Variants in ARHGAP5 observed in about 807,000 individuals in gnomAD.
ARHGAP5 encodes the protein rho GTPase-activating protein 5.
In ARHGAP5, 23 loss-of-function variants were observed where a neutral mutation model predicts 116.6. The observed-to-expected ratio is 0.20, with a 90% CI of 0.14 to 0.28. The LOEUF (loss-of-function observed/expected upper bound fraction) is 0.28, where lower values mean the gene tolerates loss of function less well. Among genes scored for constraint, ARHGAP5 ranks in the 10% least tolerant of loss-of-function variants. The pLI is 1.00. For missense variants in ARHGAP5, 1,405 were observed against 1,774.8 expected (o/e 0.79, Z 3.74); for synonymous variants, 574 against 602.0 (o/e 0.95, Z 0.68).
chr14:32,115,778 T>A (rs1879536113), intron 2 of ARHGAP5, among the ~76,000 whole-genome samples: 1 of 145,174 alleles, frequency 6.9e-6, no homozygotes, highest in Non-Finnish European at 1.5e-5. Flanking sequence ...GAGACTAGCC[T>A]GGCCAACATG....
At chr14:32,105,117 A>G (rs1244977437) in intron 2 of ARHGAP5, among the ~76,000 whole-genome samples, 2 of 152,128 alleles carry the variant, frequency 1.3e-5, no homozygotes, top group Admixed American at 1.3e-4. Flanking sequence ...GTAGGAGACT[A>G]TGTCTTGAAA....
chr14:32,153,051 GTTTTTTTTT>G lies in ARHGAP5; in HGVS notation c.4181+530_4181+538del, dbSNP rs773823740. ...TTTAATGAACTGTATGGTTTTTTTT[GTTTTTTTTT>G]TTTTTTAAACTAATAGTATCAACAC... On this transcript the variant is annotated intron_variant, in intron 6 of 6. Coordinates refer to ENST00000345122, the MANE Select transcript of ARHGAP5 (RefSeq NM_001030055.2). 3.3e-4 allele frequency among the ~76,000 whole-genome samples: 26 copies of G among 79,918 alleles called. No homozygotes were observed. The East Asian group carries it at 0.016, about 51-fold the overall frequency. 52.4% of individuals were successfully genotyped at this position (79,918 alleles called of 152,430 possible). A position where few individuals can be genotyped will look rare whatever the true frequency, so the allele number is the denominator to read the frequency against.
At chr14:32,078,419 A>C (rs1215556426) in intron 1 of ARHGAP5, 1 of 152,216 alleles carries the variant, frequency 6.6e-6, no homozygotes, top group African/African-American at 2.4e-5. Context: ...TGGGAATTCA[A>C]ATATTTTGAG....
At chr14:32,133,311 A>ATTTT (rs1228893174) in intron 3 of ARHGAP5, among the ~76,000 whole-genome samples, 12 of 152,112 alleles carry the variant, frequency 7.9e-5, no homozygotes, top group African/African-American at 2.7e-4. Flanking sequence ...CATCCCTTGT[A>ATTTT]AGTTGGATTC....
chr14:32,084,662 G>T (rs1244142933), intron 1 of ARHGAP5, among the ~76,000 whole-genome samples: 2 of 152,110 alleles, frequency 1.3e-5, no homozygotes, highest in South Asian at 4.1e-4. Flanking sequence ...ATTTTTAATA[G>T]GTTGGTTCTC....
intron 3 of ARHGAP5, among the ~76,000 whole-genome samples, chr14:32,129,565 T>C (rs1880367446): frequency 6.6e-6 from 1 of 152,250 alleles, no homozygotes; most frequent in African/African-American, 2.4e-5. Context: ...AATGAATCTT[T>C]GTGTTATTGC....
chr14:32,135,249 T>G (rs1880727231), intron 3 of ARHGAP5, among the ~76,000 whole-genome samples: 1 of 152,214 alleles, frequency 6.6e-6, no homozygotes, highest in Non-Finnish European at 1.5e-5. Flanking sequence ...TAGTTGCTAG[T>G]CAGCAAACAC....
intron 3 of ARHGAP5, among the ~76,000 whole-genome samples, chr14:32,117,998 T>G (rs1189580495): frequency 6.6e-6 from 1 of 152,148 alleles, no homozygotes; most frequent in Non-Finnish European, 1.5e-5. Context: ...TTTTAATGGC[T>G]TGAAAACATG....
chr14:32,143,438 GT>G (rs1207191561), intron 3 of ARHGAP5, among the ~76,000 whole-genome samples: 2 of 152,046 alleles, frequency 1.3e-5, no homozygotes, highest in African/African-American at 4.8e-5. Flanking sequence ...TAGAGACAGG[GT>G]TTCACCCTCT....
At chr14:32,082,247 A>G (rs1045031952) in intron 1 of ARHGAP5, among the ~76,000 whole-genome samples, 5 of 152,166 alleles carry the variant, frequency 3.3e-5, no homozygotes, top group African/African-American at 1.2e-4. Context: ...CAAGTATCTA[A>G]TTCTTCATAT....
intron 5 of ARHGAP5, among the ~76,000 whole-genome samples, chr14:32,150,571 G>C (rs1368269846): frequency 6.6e-6 from 1 of 152,162 alleles, no homozygotes; most frequent in Non-Finnish European, 1.5e-5. Flanking sequence ...CAGAGAGTAA[G>C]AGACAAGAAG....
At chr14:32,095,361 T>C (rs1878467462) in intron 2 of ARHGAP5, among the ~76,000 whole-genome samples, 1 of 152,124 alleles carries the variant, frequency 6.6e-6, no homozygotes, top group Non-Finnish European at 1.5e-5. Context: ...TTACCTTTTT[T>C]TGTCGTTAGC....
intron 2 of ARHGAP5, among the ~76,000 whole-genome samples, chr14:32,112,132 A>G (rs1879340067): frequency 6.6e-6 from 1 of 151,964 alleles, no homozygotes; most frequent in Non-Finnish European, 1.5e-5. Flanking sequence ...GATTTTTTTA[A>G]TTTCAAGAAT....
chr14:32,094,352 A>G lies in ARHGAP5; in HGVS notation c.3683A>G (p.Lys1228Arg), dbSNP rs1219370410. 6.3e-7 allele frequency: 1 copy of G among 1,585,690 alleles called. No individual in the cohort carries two copies. Among genetic ancestry groups the G allele is most frequent in the African/African-American group, 1.4e-5 (1 of 72,870 alleles). The change falls in exon 2 of 7, where the codon AAG becomes AGG. Residue 1228 changes from lysine (K) to arginine (R), a missense_variant. Physicochemically the swap from Lys to Arg is conservative, Grantham distance 26. Coordinates refer to ENST00000345122, the MANE Select transcript of ARHGAP5 (RefSeq NM_001030055.2). ...SDQELDDKKM[K>R]KKTHKVKEDK... Reference sequence around the variant, plus strand: ...CAGGAGTTAGATGATAAGAAGATGAAGAAGAAAACCCACAAAGTGAAAGAA... The same window carrying G: ...CAGGAGTTAGATGATAAGAAGATGAGGAAGAAAACCCACAAAGTGAAAGAA...
intron 5 of ARHGAP5, 149 bp from the exon 6 acceptor site, chr14:32,152,274 C>A: frequency 1.5e-6 from 1 of 645,878 alleles, no homozygotes; most frequent in Non-Finnish European, 2.6e-6. Context: ...GGGACTGTTG[C>A]TTTAGAACAT....
rs1881836150 is a variant in ARHGAP5 at position 32,155,122 on chromosome 14, A to G, written c.*174A>G. 3.2e-6 allele frequency: 2 copies of G among 629,960 alleles called. No homozygotes were observed. Among genetic ancestry groups the G allele is most frequent in the South Asian group, 2.3e-5 (1 of 43,844 alleles). 39.0% of individuals were successfully genotyped at this position (629,960 alleles called of 1,614,324 possible). A position where few individuals can be genotyped will look rare whatever the true frequency, so the allele number is the denominator to read the frequency against. Reference sequence around the variant, plus strand: ...TCACTTACATTACAAATCTAAGACCATGTGATAAGCATGACTGGAGAGGTT... The same window carrying G: ...TCACTTACATTACAAATCTAAGACCGTGTGATAAGCATGACTGGAGAGGTT... On this transcript the variant is annotated 3_prime_UTR_variant, in exon 7 of 7. Transcript: ENST00000345122.
intron 3 of ARHGAP5, among the ~76,000 whole-genome samples, chr14:32,120,997 A>T (rs566346198): frequency 5.2e-4 from 76 of 147,160 alleles, no homozygotes; most frequent in African/African-American, 1.7e-3. Flanking sequence ...AATTTCATAC[A>T]CATTTAGGAT....
chr14:32,081,392 C>G (rs1018291345), intron 1 of ARHGAP5, among the ~76,000 whole-genome samples: 30 of 151,610 alleles, frequency 2.0e-4, no homozygotes, highest in Admixed American at 2.0e-3. Context: ...AAGTAGAGGA[C>G]AGATTAGCAG....
chr14:32,122,108 T>C (rs958851069), intron 3 of ARHGAP5, among the ~76,000 whole-genome samples: 3 of 152,202 alleles, frequency 2.0e-5, no homozygotes, highest in Non-Finnish European at 4.4e-5. Flanking sequence ...ACTACCAGAC[T>C]CTTTCAAAGA....
Sources: gnomAD v4.1 joint callset for allele counts (sites outside exome capture counted in the v4.1 genomes callset) on GRCh38, gnomAD v4.1.1 for gene constraint, MANE v1.5 for transcripts, NCBI Gene and HGNC (gene_info 2026-07-23, HGNC 2026-07-21) for gene names.